CSMD1: variants seen among roughly 807,000 people sequenced by gnomAD.
CSMD1 encodes CUB and Sushi multiple domains 1.
Under a neutral mutation model 417.5 loss-of-function variants are expected in CSMD1, and 213 were observed. The observed-to-expected ratio is 0.51, with a 90% CI of 0.46 to 0.57. The LOEUF is 0.57. CSMD1 is among the 20% of genes least tolerant of loss of function. The pLI, the probability that CSMD1 is intolerant of heterozygous loss-of-function variation, is 0.00. For synonymous variants in CSMD1, 2,862 were observed against 1,736.8 expected, an observed-to-expected ratio of 1.65 and a Z score of -16.11; for missense variants, 6,923 against 4,529.7, an observed-to-expected ratio of 1.53 and a Z score of -15.17.
chr8:4,081,419 T>G (rs1800125531), intron 3 of CSMD1, among the ~76,000 whole-genome samples: 1 of 152,110 alleles, frequency 6.6e-6, no homozygotes, highest in Non-Finnish European at 1.5e-5. Flanking sequence ...AGCTTCCTCC[T>G]TTTTGCCTTG....
chr8:3,810,488 G>T (rs959144505), intron 5 of CSMD1, among the ~76,000 whole-genome samples: 1 of 152,056 alleles, frequency 6.6e-6, no homozygotes, highest in Admixed American at 6.5e-5. Flanking sequence ...GCAGCCTTTG[G>T]GACCTGGGGC....
intron 26 of CSMD1, among the ~76,000 whole-genome samples, chr8:3,261,550 T>C (rs1218468390): frequency 6.6e-6 from 1 of 152,136 alleles, no homozygotes; most frequent in Non-Finnish European, 1.5e-5. Context: ...TGCGCGTGAA[T>C]GTTCATCACA....
At chr8:4,025,352 G>A (rs939773980) in intron 4 of CSMD1, among the ~76,000 whole-genome samples, 2 of 152,232 alleles carry the variant, frequency 1.3e-5, no homozygotes, top group East Asian at 3.9e-4. Context: ...TTTTGCATTT[G>A]ATCCTCTATT....
At chr8:4,663,954 A>G (rs934354696) in intron 1 of CSMD1, among the ~76,000 whole-genome samples, 3 of 152,178 alleles carry the variant, frequency 2.0e-5, no homozygotes, top group African/African-American at 7.2e-5. Context: ...TGGAAAGCTA[A>G]TCCAGATAAG....
chr8:4,886,093 C>T (rs549794627), intron 1 of CSMD1, among the ~76,000 whole-genome samples: 4 of 152,046 alleles, frequency 2.6e-5, no homozygotes, highest in African/African-American at 4.8e-5. Flanking sequence ...CAGGTTCAGA[C>T]GATCCTCCTG....
chr8:4,078,639 C>T (rs1406938457), intron 3 of CSMD1, among the ~76,000 whole-genome samples: 4 of 150,604 alleles, frequency 2.7e-5, no homozygotes, highest in African/African-American at 7.3e-5. Context: ...CTGTATTTCA[C>T]ATGTATTTCT....
Position 2,966,259 on chromosome 8 carries a change from G to A in CSMD1, c.9101-305C>T, listed in dbSNP as rs139895431. 5.8e-3 allele frequency among the ~76,000 whole-genome samples: 882 copies of A among 152,264 alleles called. 6 individuals are homozygous for A. Among genetic ancestry groups the A allele is most frequent in the African/African-American group, 0.02 (822 of 41,542 alleles). On this transcript the variant is annotated intron_variant, in intron 58 of 69. Coordinates refer to ENST00000635120, the MANE Select transcript of CSMD1 (RefSeq NM_033225.6). ...CAGAAAGATGAAGCCTGCAGCCAGA[G>A]AACCAAAGACATTTCTTCTTTCTCT...
At chr8:3,721,635 A>C (rs1305179341) in intron 6 of CSMD1, among the ~76,000 whole-genome samples, 1 of 152,150 alleles carries the variant, frequency 6.6e-6, no homozygotes, top group Non-Finnish European at 1.5e-5. Context: ...TTATTTTGCA[A>C]ATACCTTTAT....
intron 1 of CSMD1, chr8:4,787,754 C>G: frequency 1.3e-6 from 2 of 1,587,330 alleles, no homozygotes; most frequent in South Asian, 2.2e-5. Flanking sequence ...CTGATTGCTG[C>G]AAAATTTTGC....
chr8:4,193,699 G>T (rs897144609), intron 3 of CSMD1, among the ~76,000 whole-genome samples: 10 of 152,108 alleles, frequency 6.6e-5, no homozygotes, highest in African/African-American at 2.4e-4. Flanking sequence ...ATAAAAATCG[G>T]CATTTCAAGG....
intron 5 of CSMD1, among the ~76,000 whole-genome samples, chr8:3,944,291 C>G (rs1007052589): frequency 1.3e-5 from 2 of 152,062 alleles, no homozygotes; most frequent in East Asian, 3.9e-4. Context: ...TCAAACCTGT[C>G]AGTTTGAGCC....
chr8:3,335,547 G>C (rs141355199), intron 23 of CSMD1, among the ~76,000 whole-genome samples: 1 of 152,050 alleles, frequency 6.6e-6, no homozygotes, highest in Non-Finnish European at 1.5e-5. Flanking sequence ...TGTGGTGTTG[G>C]GTACCTGTAA....
chr8:4,230,888 C>T (rs189557558), intron 3 of CSMD1, among the ~76,000 whole-genome samples: 209 of 152,166 alleles, frequency 1.4e-3, no homozygotes, highest in Non-Finnish European at 1.9e-3. Context: ...ACTTGAGTCA[C>T]CACCAAATTC....
chr8:3,156,313 A>C (rs966833598), intron 39 of CSMD1, among the ~76,000 whole-genome samples: 1 of 152,342 alleles, frequency 6.6e-6, no homozygotes, highest in South Asian at 2.1e-4. Flanking sequence ...ACAGCACCCC[A>C]GAAGTGTGAC....
intron 12 of CSMD1, among the ~76,000 whole-genome samples, chr8:3,438,829 T>G (rs1003328728): frequency 1.3e-5 from 2 of 151,928 alleles, no homozygotes; most frequent in Admixed American, 1.3e-4. Context: ...TTATAAGAAA[T>G]TGCTGGCCAG....
At chr8:3,914,087 G>C (rs1340923812) in intron 5 of CSMD1, among the ~76,000 whole-genome samples, 1 of 152,142 alleles carries the variant, frequency 6.6e-6, no homozygotes, top group Admixed American at 6.5e-5. Context: ...AGTCATATTT[G>C]AATTATGTAA....
chr8:4,108,041 AAGAG>A (rs1342070929), intron 3 of CSMD1, among the ~76,000 whole-genome samples: 3 of 141,340 alleles, frequency 2.1e-5, no homozygotes, highest in East Asian at 2.0e-4. Flanking sequence ...GAGAGAGAGA[AAGAG>A]AGACAGAGAC....
chr8:4,460,339 C>A (rs1402333494), intron 2 of CSMD1, among the ~76,000 whole-genome samples: 3 of 151,938 alleles, frequency 2.0e-5, no homozygotes, highest in Non-Finnish European at 4.4e-5. Context: ...TGAAGAATTG[C>A]ATAGAGGGAA....
At chr8:4,276,531 T>C (rs1231980054) in intron 3 of CSMD1, among the ~76,000 whole-genome samples, 1 of 152,164 alleles carries the variant, frequency 6.6e-6, no homozygotes, top group Admixed American at 6.5e-5. Flanking sequence ...CCATGGCACA[T>C]GTTTAACTAC....
Sources: allele counts gnomAD v4.1 joint callset (sites outside exome capture counted in the v4.1 genomes callset), GRCh38; gene constraint gnomAD v4.1.1; transcripts MANE v1.5; gene names NCBI Gene and HGNC (gene_info 2026-07-23, HGNC 2026-07-21).